Variants in IGFL2 observed in about 807,000 individuals in gnomAD.
IGFL2 encodes the protein IGF like family member 2, also known as insulin growth factor-like family member 2.
In IGFL2, 7 loss-of-function variants were observed where a neutral mutation model predicts 13.9. The observed-to-expected ratio is 0.51, with a 90% CI of 0.29 to 0.95. The LOEUF (loss-of-function observed/expected upper bound fraction) is 0.95. IGFL2 is among the 40% of genes least tolerant of loss of function. The pLI, the probability that IGFL2 is intolerant of heterozygous loss-of-function variation, is 0.08. For missense variants in IGFL2, 138 were observed against 147.8 expected (o/e 0.93, Z 0.34); for synonymous variants, 55 against 55.8 (o/e 0.99, Z 0.07).
chr19:46,206,177 A>C, the IGFL2 span, among the ~76,000 whole-genome samples: 1 of 152,022 alleles, frequency 6.6e-6, no homozygotes, highest in Non-Finnish European at 1.5e-5. Flanking sequence ...CCCTCCCTCG[A>C]ACCCAGCTTC....
chr19:46,179,491 G>A, the IGFL2 span: 7 of 152,832 alleles, frequency 4.6e-5, no homozygotes, highest in South Asian at 2.0e-4. Context: ...CTTACTTGAC[G>A]TGCAGCTGCT....
At chr19:46,078,720 G>A in the IGFL2 span, among the ~76,000 whole-genome samples, 2 of 152,266 alleles carry the variant, frequency 1.3e-5, no homozygotes, top group African/African-American at 4.8e-5. Context: ...TCTCTCTGGG[G>A]GTATTTGAGC....
the IGFL2 span, among the ~76,000 whole-genome samples, chr19:46,190,914 C>T: frequency 2.0e-5 from 3 of 152,264 alleles, no homozygotes; most frequent in South Asian, 2.1e-4. Flanking sequence ...TCGGGAGTCC[C>T]GCTGAGTCAT....
the IGFL2 span, among the ~76,000 whole-genome samples, chr19:46,182,966 C>A: frequency 6.6e-6 from 1 of 152,040 alleles, no homozygotes; most frequent in Non-Finnish European, 1.5e-5. Flanking sequence ...CTTCCCACTT[C>A]TCCCCATCTC....
chr19:46,198,353 A>G, the IGFL2 span: 4 of 151,784 alleles, frequency 2.6e-5, no homozygotes. Context: ...GCCTCAAGCA[A>G]TTCTTCCTCC....
the IGFL2 span, among the ~76,000 whole-genome samples, chr19:46,196,635 G>A: frequency 1.3e-5 from 2 of 152,166 alleles, no homozygotes; most frequent in African/African-American, 4.8e-5. Context: ...ACATTGCCCT[G>A]AACCCTAGGC....
At chr19:46,132,136 AC>A in the IGFL2 span, among the ~76,000 whole-genome samples, 728 of 152,340 alleles carry the variant, frequency 4.8e-3, 5 homozygotes, top group African/African-American at 0.016. Flanking sequence ...CAGTTTTCAC[AC>A]ACACACAGAG....
the IGFL2 span, among the ~76,000 whole-genome samples, chr19:46,187,986 C>G: frequency 8.5e-5 from 13 of 152,304 alleles, no homozygotes; most frequent in African/African-American, 2.9e-4. Context: ...AGCATTAACC[C>G]ATTTGTATCT....
chr19:46,110,555 T>C, the IGFL2 span, among the ~76,000 whole-genome samples: 1 of 152,248 alleles, frequency 6.6e-6, no homozygotes, highest in African/African-American at 2.4e-5. Context: ...AAAGTGGCAA[T>C]GTAGAGTTTA....
chr19:46,156,927 G>A (rs1973857015), intron 1 of IGFL2, among the ~76,000 whole-genome samples: 2 of 152,094 alleles, frequency 1.3e-5, no homozygotes, highest in South Asian at 4.1e-4. Flanking sequence ...GACACAAATT[G>A]TCAGTATCAG....
the IGFL2 span, among the ~76,000 whole-genome samples, chr19:46,126,151 G>C: frequency 6.6e-6 from 1 of 151,250 alleles, no homozygotes; most frequent in African/African-American, 2.4e-5. Context: ...AGAGCTTCTT[G>C]CAACATGTTG....
the IGFL2 span, among the ~76,000 whole-genome samples, chr19:46,109,705 G>A: frequency 7.2e-5 from 11 of 152,290 alleles, no homozygotes; most frequent in African/African-American, 2.4e-4. Flanking sequence ...CTCAAGGGTG[G>A]GGAGGGTGTA....
chr19:46,149,138 ATCTC>A lies in IGFL2; in HGVS notation c.19+850_19+853del, dbSNP rs868274734. 2.6e-5 allele frequency: 20 copies of A among 764,748 alleles called. No individual in the cohort carries two copies. The African/African-American group carries it at 3.0e-4, about 12-fold the overall frequency. The allele number at this position is 764,748 out of a possible 1,614,324, so 47.4% of individuals were successfully genotyped here. On this transcript the variant is annotated intron_variant, in intron 1 of 3. Transcript: ENST00000377693. The stretch of plus-strand genomic sequence containing the variant: ...TTCACTAACTTCTTTTTGGGCAACC[ATCTC>A]TCTCTCTCCCTCTCTCTCTTCTCTC...
the IGFL2 span, among the ~76,000 whole-genome samples, chr19:46,088,527 A>G: frequency 0.014 from 2,066 of 152,344 alleles, 52 homozygotes; most frequent in African/African-American, 0.046. Context: ...TCATTCATCT[A>G]CTTGGCTAAC....
At chr19:46,165,716 G>A (rs1229438084), downstream of IGFL2, among the ~76,000 whole-genome samples, 3 of 152,212 alleles carry the variant, frequency 2.0e-5, no homozygotes, top group Non-Finnish European at 4.4e-5. Flanking sequence ...CCTGCACTTG[G>A]ATAGCCATGG....
the IGFL2 span, among the ~76,000 whole-genome samples, chr19:46,183,533 C>T: frequency 6.6e-6 from 1 of 150,536 alleles, no homozygotes. Flanking sequence ...CTCCTTTCTG[C>T]AGACTTTTTT....
chr19:46,192,664 C>G, the IGFL2 span, among the ~76,000 whole-genome samples: 19 of 152,090 alleles, frequency 1.2e-4, no homozygotes, highest in African/African-American at 3.6e-4. Flanking sequence ...TGTGATCCAC[C>G]CACCTCGGCC....
the IGFL2 span, among the ~76,000 whole-genome samples, chr19:46,100,597 A>G: frequency 6.6e-6 from 1 of 152,220 alleles, no homozygotes. Context: ...GGCCAGGATG[A>G]CAGCACCTGG....
the IGFL2 span, among the ~76,000 whole-genome samples, chr19:46,169,532 G>A: frequency 2.0e-5 from 3 of 152,130 alleles, no homozygotes; most frequent in East Asian, 3.8e-4. Context: ...GACCTAATGA[G>A]AACAAAACTA....
Sources: gnomAD v4.1 joint callset for allele counts (sites outside exome capture counted in the v4.1 genomes callset) on GRCh38, gnomAD v4.1.1 for gene constraint, MANE v1.5 for transcripts, NCBI Gene and HGNC (gene_info 2026-07-23, HGNC 2026-07-21) for gene names.